Variants in ARHGEF37 observed in about 807,000 individuals in gnomAD.
The protein encoded by ARHGEF37 is Rho guanine nucleotide exchange factor (GEF) 37.
Under a neutral mutation model 71.1 loss-of-function variants are expected in ARHGEF37, and 55 were observed. That is an observed-to-expected ratio of 0.77 (90% CI 0.62 to 0.97). The LOEUF (loss-of-function observed/expected upper bound fraction) is 0.97. ARHGEF37 is among the 50% of genes least tolerant of loss of function. The pLI, the probability that ARHGEF37 is intolerant of heterozygous loss-of-function variation, is 0.00. For missense variants in ARHGEF37, 765 were observed against 836.8 expected (o/e 0.91, Z 1.06); for synonymous variants, 327 against 350.6 (o/e 0.93, Z 0.75).
intron 10 of ARHGEF37, 73 bp downstream of exon 10, chr5:149,624,213 CCT>C: frequency 5.3e-6 from 8 of 1,508,506 alleles, no homozygotes; most frequent in South Asian, 3.9e-5. Flanking sequence ...CCATCCATCC[CCT>C]CTTTCCTTTC....
At chr5:149,571,381 G>A (rs1762962293) in intron 1 of ARHGEF37, among the ~76,000 whole-genome samples, 1 of 152,102 alleles carries the variant, frequency 6.6e-6, no homozygotes, top group South Asian at 2.1e-4. Context: ...TCAGCCCCCT[G>A]AGTAGCTGGG....
upstream of ARHGEF37, chr5:149,581,413 C>G (rs1394941387): frequency 6.6e-6 from 1 of 152,204 alleles, no homozygotes; most frequent in East Asian, 1.9e-4. Flanking sequence ...AGACAATTAA[C>G]AAAGGCTGGA....
At chr5:149,612,503 G>T (rs1752226482) in intron 4 of ARHGEF37, among the ~76,000 whole-genome samples, 1 of 152,168 alleles carries the variant, frequency 6.6e-6, no homozygotes, top group African/African-American at 2.4e-5. Context: ...AGAGAAAGAA[G>T]GAAATAACAC....
Position 149,632,253 on chromosome 5 carries a change from G to C in ARHGEF37, c.*62G>C, listed in dbSNP as rs965960698. The C allele has an allele frequency of 3.8e-6, 6 of 1,566,102 alleles. No individual in the cohort carries two copies. Among genetic ancestry groups the C allele is most frequent in the African/African-American group, 1.4e-5 (1 of 73,666 alleles). The stretch of plus-strand genomic sequence containing the variant: ...GGGAGGCTTAGAGGCTCTGACCCTG[G>C]GGGGAAAAGAAGCAAAGGAAAGGTG... On this transcript the variant is annotated 3_prime_UTR_variant, in exon 13 of 13. Coordinates refer to ENST00000333677, the MANE Select transcript of ARHGEF37 (RefSeq NM_001001669.3).
rs555520451 is a variant in ARHGEF37 at position 149,589,746 on chromosome 5, C to T, written c.-11-8013C>T. On this transcript the variant is annotated intron_variant, in intron 1 of 12. Coordinates refer to ENST00000333677, the MANE Select transcript of ARHGEF37 (RefSeq NM_001001669.3). ...AACTCCTGACCTCAGGTGATCCTCC[C>T]GACCTAAGGTGATCCTCCCGTCTTG... Among the ~76,000 whole-genome samples the T allele has an allele frequency of 2.2e-4, 33 of 152,158 alleles. No individual in the cohort carries two copies. The South Asian group carries it at 2.7e-3, about 12-fold the overall frequency.
chr5:149,573,034 G>A (rs1266652616), intron 1 of ARHGEF37, among the ~76,000 whole-genome samples: 1 of 152,190 alleles, frequency 6.6e-6, no homozygotes, highest in Non-Finnish European at 1.5e-5. Context: ...GGCAGAAAAG[G>A]TCAAAGCGGA....
At chr5:149,557,001 G>C (rs762053510) in intron 1 of ARHGEF37, among the ~76,000 whole-genome samples, 3 of 152,170 alleles carry the variant, frequency 2.0e-5, no homozygotes, top group African/African-American at 7.2e-5. Flanking sequence ...ATCAGTCCCT[G>C]TTCTCCCCCT....
upstream of ARHGEF37, among the ~76,000 whole-genome samples, chr5:149,579,474 T>A (rs1763064925): frequency 6.6e-6 from 1 of 152,164 alleles, no homozygotes; most frequent in Non-Finnish European, 1.5e-5. Context: ...CTCAATCAGT[T>A]TTTAACTTGT....
At chr5:149,572,886 G>C (rs1453605012) in intron 1 of ARHGEF37, among the ~76,000 whole-genome samples, 1 of 152,104 alleles carries the variant, frequency 6.6e-6, no homozygotes, top group African/African-American at 2.4e-5. Context: ...AGTCCATCTT[G>C]TGTTGCTATG....
At position 149,633,245 on chromosome 5, in the gene ARHGEF37, G is replaced by A. The variant is rs560772764; in HGVS notation, c.*1054G>A. 6.6e-6 allele frequency: 1 copy of A among 152,408 alleles called. No homozygotes were observed. The highest frequency in any genetic ancestry group is 2.4e-5 in the African/African-American group (1 of 41,598). 9.4% of individuals were successfully genotyped at this position (152,408 alleles called of 1,614,324 possible). A position where few individuals can be genotyped will look rare whatever the true frequency, so the allele number is the denominator to read the frequency against. On this transcript the variant is annotated 3_prime_UTR_variant, in exon 13 of 13. Coordinates refer to ENST00000333677, the MANE Select transcript of ARHGEF37 (RefSeq NM_001001669.3). ...TGGGGCTAAGCATGCAGAGCTCCCT[G>A]TAAACTGTGAAGTGTGATACAAATG...
chr5:149,555,828 C>CT (rs1018887844), intron 1 of ARHGEF37, among the ~76,000 whole-genome samples: 17 of 150,174 alleles, frequency 1.1e-4, no homozygotes, highest in African/African-American at 3.4e-4. Flanking sequence ...AATTTTAAAA[C>CT]TTTTTTTTTT....
At position 149,632,459 on chromosome 5, in the gene ARHGEF37, C is replaced by A; in HGVS notation, c.*268C>A. 3 of 474,348 alleles carry A rather than the reference C, an allele frequency of 6.3e-6. No individual in the cohort carries two copies. The highest frequency in any genetic ancestry group is 1.2e-5 in the Non-Finnish European group (3 of 258,420). The allele number at this position is 474,348 out of a possible 1,614,324, so 29.4% of individuals were successfully genotyped here. On this transcript the variant is annotated 3_prime_UTR_variant, in exon 13 of 13. Transcript: ENST00000333677. The stretch of plus-strand genomic sequence containing the variant: ...CTGGGGTCACAATGCACTTGGACAG[C>A]AGGTCACAGCTGATTGGCCAGGACT...
At chr5:149,559,241 A>G (rs1028337652) in intron 1 of ARHGEF37, among the ~76,000 whole-genome samples, 10 of 152,290 alleles carry the variant, frequency 6.6e-5, no homozygotes, top group Non-Finnish European at 1.3e-4. Context: ...GAATTGCTTG[A>G]ACCCAGGAGG....
chr5:149,582,480 G>A (rs946891227), intron 1 of ARHGEF37, among the ~76,000 whole-genome samples: 1 of 152,216 alleles, frequency 6.6e-6, no homozygotes, highest in Non-Finnish European at 1.5e-5. Flanking sequence ...TTTATGTGTA[G>A]ACGGGGGATG....
chr5:149,626,241 A>AACACACACACACACAC (rs58263212), intron 10 of ARHGEF37, among the ~76,000 whole-genome samples: 1 of 133,636 alleles, frequency 7.5e-6, no homozygotes, highest in Non-Finnish European at 1.6e-5. Context: ...GAGCATGGTG[A>AACACACACACACACAC]ACACACACAC....
At chr5:149,567,782 G>A (rs1448838039) in intron 1 of ARHGEF37, among the ~76,000 whole-genome samples, 1 of 152,062 alleles carries the variant, frequency 6.6e-6, no homozygotes, top group Non-Finnish European at 1.5e-5. Context: ...GGCATAAATT[G>A]TTTCAGGCCC....
At chr5:149,555,471 A>ATT in intron 1 of ARHGEF37, among the ~76,000 whole-genome samples, 1 of 145,662 alleles carries the variant, frequency 6.9e-6, no homozygotes, top group South Asian at 2.2e-4. Context: ...TGCCTGGCTA[A>ATT]TTTTTTTTTT....
At chr5:149,626,287 C>T (rs941021847) in intron 10 of ARHGEF37, among the ~76,000 whole-genome samples, 3 of 112,448 alleles carry the variant, frequency 2.7e-5, no homozygotes, top group Non-Finnish European at 2.1e-5. Flanking sequence ...CACACACACA[C>T]GCCTCTCTCA....
At chr5:149,580,405 TC>T (rs1763084757), upstream of ARHGEF37, among the ~76,000 whole-genome samples, 1 of 152,102 alleles carries the variant, frequency 6.6e-6, no homozygotes, top group African/African-American at 2.4e-5. Context: ...CCTCTCCCCT[TC>T]AGTTGCCCTC....
Sources: allele counts gnomAD v4.1 joint callset (sites outside exome capture counted in the v4.1 genomes callset), GRCh38; gene constraint gnomAD v4.1.1; transcripts MANE v1.5; gene names NCBI Gene and HGNC (gene_info 2026-07-23, HGNC 2026-07-21).